Variants in HDDC3 observed in about 807,000 individuals in gnomAD.
The protein encoded by HDDC3 is HD domain containing 3, also known as guanosine-3',5'-bis(diphosphate) 3'-pyrophosphohydrolase MESH1.
HDDC3 carries 18 observed loss-of-function variants against 19.1 expected under a neutral mutation model. The observed-to-expected ratio is 0.94, with a 90% CI of 0.65 to 1.40. The LOEUF (loss-of-function observed/expected upper bound fraction) is 1.40, where lower values mean the gene tolerates loss of function less well. HDDC3 is among the 40% of genes most tolerant of loss of function. HDDC3 has a pLI of 0.00. For synonymous variants in HDDC3, 107 were observed against 99.4 expected, an observed-to-expected ratio of 1.08 and a Z score of -0.46; for missense variants, 250 against 228.9, an observed-to-expected ratio of 1.09 and a Z score of -0.59.
In HDDC3 at chr15:90,931,685, A is replaced by T; in HGVS notation, c.409+19T>A. On this transcript the variant is annotated intron_variant, in intron 3 of 3. Coordinates refer to ENST00000394272, the MANE Select transcript of HDDC3 (RefSeq NM_001286451.2). Reference sequence around the variant, plus strand: ...GGCATCCCCCTCCCTTTTCCCTTACAGCCCATACGAAAGCGTACCCTCTGG... The same window carrying T: ...GGCATCCCCCTCCCTTTTCCCTTACTGCCCATACGAAAGCGTACCCTCTGG... The T allele has an allele frequency of 1.9e-6, 3 of 1,613,956 alleles. No homozygotes were observed. The highest frequency in any genetic ancestry group is 2.5e-6 in the Non-Finnish European group (3 of 1,179,914).
Position 90,931,373 on chromosome 15 carries a change from C to T in HDDC3, c.442G>A (p.Glu148Lys), listed in dbSNP as rs771948355. The change falls in exon 4 of 4, where the codon GAG (glutamate) becomes AAG (lysine). Residue 148 changes from glutamate to lysine, a missense_variant. Glu to Lys is a moderately conservative substitution (Grantham distance 56). Coordinates refer to ENST00000394272, the MANE Select transcript of HDDC3 (RefSeq NM_001286451.2). ...CCCTTCACCACCTGCGCTGCCCACT[C>T]GAAGTATTCCTGGACTCGATGTTCT... ...WSEHRVQEYFEWAAQVVKGLQ... is the reference protein window; with the variant it reads ...WSEHRVQEYFKWAAQVVKGLQ... 1.3e-6 allele frequency: 2 copies of T among 1,558,342 alleles called. No individual in the cohort carries two copies. The highest frequency in any genetic ancestry group is 1.7e-6 in the Non-Finnish European group (2 of 1,150,230).
chr15:90,932,544 G>A lies in HDDC3; in HGVS notation c.-4C>T. 8.0e-7 allele frequency: 1 copy of A among 1,255,306 alleles called. No homozygotes were observed. The highest frequency in any genetic ancestry group is 1.0e-6 in the Non-Finnish European group (1 of 998,856). 77.8% of individuals were successfully genotyped at this position (1,255,306 alleles called of 1,614,324 possible). On this transcript the variant is annotated 5_prime_UTR_variant, in exon 1 of 4. Transcript: ENST00000394272. ...GCTGCGCCGCCTCAGAGCCCATCGC[G>A]CGGATGGGGCCGACGACTGCGGCCG...
In HDDC3 at chr15:90,932,447, AG is replaced by A; in HGVS notation, c.93del (p.Tyr32ThrfsTer12). Reference sequence around the variant, plus strand: ...CGCCCACCGATGGGGTGGTTGATGTAGGGGGTCCCCTCGGGGTCCTTCCGCC... The same window carrying A: ...CGCCCACCGATGGGGTGGTTGATGTAGGGGTCCCCTCGGGGTCCTTCCGCC... ...QQRRKDPEGT[P>X]YINHPIGVAR... On this transcript the variant is annotated frameshift_variant, in exon 1 of 4. Coordinates refer to ENST00000394272, the MANE Select transcript of HDDC3 (RefSeq NM_001286451.2). LOFTEE classifies it high-confidence loss of function. 7.4e-7 allele frequency: 1 copy of A among 1,359,072 alleles called. No individual in the cohort carries two copies. The highest frequency in any genetic ancestry group is 9.5e-7 in the Non-Finnish European group (1 of 1,058,008). The allele number at this position is 1,359,072 out of a possible 1,614,324, so 84.2% of individuals were successfully genotyped here. A position where few individuals can be genotyped will look rare whatever the true frequency, so the allele number is the denominator to read the frequency against.
In HDDC3 at chr15:90,932,385, C is replaced by A. The variant is rs893206995; in HGVS notation, c.112+44G>T. 9 of 1,210,212 alleles carry A rather than the reference C, an allele frequency of 7.4e-6. No individual in the cohort carries two copies. The East Asian group carries it at 2.5e-4, about 33-fold the overall frequency. 75.0% of individuals were successfully genotyped at this position (1,210,212 alleles called of 1,614,324 possible). A position where few individuals can be genotyped will look rare whatever the true frequency, so the allele number is the denominator to read the frequency against. On this transcript the variant is annotated intron_variant, in intron 1 of 3. Transcript: ENST00000394272. ...CCCCACGTTTCCTTCCCAGTCCCCA[C>A]CACCCAGGTGCCGCAGCCGGCGCTC...
In HDDC3 at chr15:90,931,029, A is replaced by G; in HGVS notation, c.*246T>C. ...GATCCCACCATGCAAAATAGCAAACAGACCCAAGACTTGGGGAGAGGCGGT... is the reference window on the plus strand; with the variant it reads ...GATCCCACCATGCAAAATAGCAAACGGACCCAAGACTTGGGGAGAGGCGGT... On this transcript the variant is annotated 3_prime_UTR_variant, in exon 4 of 4. Transcript: ENST00000394272. 1 of 483,500 alleles carries G rather than the reference A, an allele frequency of 2.1e-6. No homozygotes were observed. Among genetic ancestry groups the G allele is most frequent in the Non-Finnish European group, 3.8e-6 (1 of 266,522 alleles). The allele number at this position is 483,500 out of a possible 1,614,324, so 30.0% of individuals were successfully genotyped here.
chr15:90,932,427 A>G lies in HDDC3; in HGVS notation c.112+2T>C. 3.0e-6 allele frequency: 4 copies of G among 1,346,048 alleles called. No homozygotes were observed. The highest frequency in any genetic ancestry group is 3.8e-6 in the Non-Finnish European group (4 of 1,049,234). The allele number at this position is 1,346,048 out of a possible 1,614,324, so 83.4% of individuals were successfully genotyped here. A position where few individuals can be genotyped will look rare whatever the true frequency, so the allele number is the denominator to read the frequency against. ...CCGGCGCTCCGCGGCCGACGCGCCC[A>G]CCGATGGGGTGGTTGATGTAGGGGG... On this transcript the variant is annotated splice_donor_variant, in intron 1 of 3. Coordinates refer to ENST00000394272, the MANE Select transcript of HDDC3 (RefSeq NM_001286451.2). LOFTEE classifies it high-confidence loss of function.
intron 3 of HDDC3, 63 bp downstream of exon 3, chr15:90,931,638 CCAA>C: frequency 1.2e-6 from 2 of 1,614,086 alleles, no homozygotes; most frequent in Non-Finnish European, 1.7e-6. Context: ...GGGGAACTGA[CCAA>C]CATGTGTCTT....
Position 90,931,170 on chromosome 15 carries a change from T to C in HDDC3, c.*105A>G. ...AAGTCTTTTTTTGGCCTCTAATATC[T>C]GGGAAGGATGGAGGGAGCTCAGGAG... On this transcript the variant is annotated 3_prime_UTR_variant, in exon 4 of 4. Transcript: ENST00000394272. 1 of 1,379,064 alleles carries C rather than the reference T, an allele frequency of 7.3e-7. No homozygotes were observed. The highest frequency in any genetic ancestry group is 9.9e-7 in the Non-Finnish European group (1 of 1,012,348). The allele number at this position is 1,379,064 out of a possible 1,614,324, so 85.4% of individuals were successfully genotyped here.
In HDDC3 at chr15:90,931,121, G is replaced by C. The variant is rs2035773798; in HGVS notation, c.*154C>G. 1 of 857,488 alleles carries C rather than the reference G, an allele frequency of 1.2e-6. No homozygotes were observed. Among genetic ancestry groups the C allele is most frequent in the African/African-American group, 1.7e-5 (1 of 58,748 alleles). The allele number at this position is 857,488 out of a possible 1,614,324, so 53.1% of individuals were successfully genotyped here. Reference sequence around the variant, plus strand: ...GCGGGGCTCAGCTTAGTTAGCAGGAGACCTTCAGACTGAGAAAAAATGCAA... The same window carrying C: ...GCGGGGCTCAGCTTAGTTAGCAGGACACCTTCAGACTGAGAAAAAATGCAA... On this transcript the variant is annotated 3_prime_UTR_variant, in exon 4 of 4. Coordinates refer to ENST00000394272, the MANE Select transcript of HDDC3 (RefSeq NM_001286451.2).
rs144631975 is a variant in HDDC3 at position 90,931,785 on chromosome 15, G to C, written c.328C>G (p.His110Asp). The change falls in exon 3 of 4, where the codon CAC becomes GAC. Residue 110 changes from histidine to aspartate, a missense_variant. His to Asp is a moderately conservative substitution (Grantham distance 81). Coordinates refer to ENST00000394272, the MANE Select transcript of HDDC3 (RefSeq NM_001286451.2). ...RKRLQVEQAP[H>D]SSPGAKLVKL... is the part of the protein sequence containing the mutation. ...ACCAGTTTGGCCCCGGGGCTACTGTGGGGCGCTTGCTCCACCTGCAGCCTC... is the reference window on the plus strand; with the variant it reads ...ACCAGTTTGGCCCCGGGGCTACTGTCGGGCGCTTGCTCCACCTGCAGCCTC... 1.8e-4 allele frequency: 291 copies of C among 1,614,012 alleles called. 2 individuals are homozygous for C. In the South Asian group the frequency reaches 3.1e-3, roughly 17 times the overall value.
intron 3 of HDDC3, 45 bp downstream of exon 3, chr15:90,931,659 C>A: frequency 6.2e-7 from 1 of 1,613,892 alleles, no homozygotes; most frequent in Non-Finnish European, 8.5e-7. Context: ...CTTCAGAAGG[C>A]GGCATCCCCC....
chr15:90,932,035 C>T lies in HDDC3; in HGVS notation c.168+20G>A, dbSNP rs111756313. On this transcript the variant is annotated intron_variant, in intron 2 of 3. Transcript: ENST00000394272. ...CCTAATCCCCATCCCAGGCTCCTGG[C>T]AGAGAAGGGGGAAAGTTACCTGTAA... is the stretch of plus-strand genomic sequence containing the variant. 7,886 of 1,613,878 alleles carry T rather than the reference C, an allele frequency of 4.9e-3. 186 individuals carry two copies. The African/African-American group carries it at 0.071, about 15-fold the overall frequency.
In HDDC3 at chr15:90,930,837, G is replaced by A; in HGVS notation, c.*438C>T. 5.1e-6 allele frequency: 1 copy of A among 195,872 alleles called. No individual in the cohort carries two copies. Among genetic ancestry groups the A allele is most frequent in the Non-Finnish European group, 1.1e-5 (1 of 92,404 alleles). 12.1% of individuals were successfully genotyped at this position (195,872 alleles called of 1,614,324 possible). A position where few individuals can be genotyped will look rare whatever the true frequency, so the allele number is the denominator to read the frequency against. On this transcript the variant is annotated 3_prime_UTR_variant, in exon 4 of 4. Coordinates refer to ENST00000394272, the MANE Select transcript of HDDC3 (RefSeq NM_001286451.2). ...CCCGCAACCTGAGGGAGGTGACTCC[G>A]GGACACACAATTAGTCCTGCTTTGC...
chr15:90,931,350 C>T lies in HDDC3; in HGVS notation c.465G>A (p.Lys155=). 4 of 1,553,116 alleles carry T rather than the reference C, an allele frequency of 2.6e-6. No homozygotes were observed. Among genetic ancestry groups the T allele is most frequent in the South Asian group, 1.2e-5 (1 of 84,368 alleles). ...GTTGCCGGTTTGTTCCCTGAAGCCC[C>T]TTCACCACCTGCGCTGCCCACTCGA... The part of the protein sequence containing the change: ...EYFEWAAQVV[K]GLQGTNRQLE... Residue 155 remains lysine (K), a synonymous_variant, in exon 4 of 4, where the codon AAG becomes AAA. Transcript: ENST00000394272.
At position 90,931,708 on chromosome 15, in the gene HDDC3, T is replaced by C; in HGVS notation, c.405A>G (p.Pro135=). ...ACAGCCCATACGAAAGCGTACCCTCTGGGGTGCAGCGATTCAGGTCCCTCA... is the reference window on the plus strand; with the variant it reads ...ACAGCCCATACGAAAGCGTACCCTCCGGGGTGCAGCGATTCAGGTCCCTCA... The part of the protein sequence containing the change: ...YNLRDLNRCT[P]EGWSEHRVQE... Residue 135 remains proline (P), a synonymous_variant, in exon 3 of 4, where the codon CCA becomes CCG. Coordinates refer to ENST00000394272, the MANE Select transcript of HDDC3 (RefSeq NM_001286451.2). 1 of 1,614,126 alleles carries C rather than the reference T, an allele frequency of 6.2e-7. No homozygotes were observed. Among genetic ancestry groups the C allele is most frequent in the South Asian group, 1.1e-5 (1 of 91,078 alleles).
chr15:90,932,176 T>C lies in HDDC3; in HGVS notation c.113-66A>G, dbSNP rs2035823019. On this transcript the variant is annotated intron_variant, in intron 1 of 3. Transcript: ENST00000394272. ...GTCCCAAGGCGGTGTGTTGTGGGTT[T>C]TGGAGAGCCAGATGTGGCCCCTTGT... 15 of 1,506,590 alleles carry C rather than the reference T, an allele frequency of 1.0e-5. No individual in the cohort carries two copies. In the South Asian group the frequency reaches 1.6e-4, roughly 16 times the overall value. 93.3% of individuals were successfully genotyped at this position (1,506,590 alleles called of 1,614,324 possible).
chr15:90,932,292 G>T, intron 1 of HDDC3, 137 bp downstream of exon 1: 1 of 829,662 alleles, frequency 1.2e-6, no homozygotes, highest in Non-Finnish European at 1.8e-6. Flanking sequence ...CGTTCCAATT[G>T]TTATGAGGCT....
Position 90,932,488 on chromosome 15 carries a change from T to A in HDDC3, c.53A>T (p.Lys18Met). 1.5e-6 allele frequency: 2 copies of A among 1,310,128 alleles called. No homozygotes were observed. Among genetic ancestry groups the A allele is most frequent in the South Asian group, 4.7e-5 (2 of 42,616 alleles). 81.2% of individuals were successfully genotyped at this position (1,310,128 alleles called of 1,614,324 possible). ...GTCCTTCCGCCGCTGCTGCCGGTGC[T>A]TGCGAGCCGCGAAGTCGGCAGCCTC... The part of the protein sequence containing the change: ...LLEAADFAAR[K>M]HRQQRRKDPE... Residue 18 changes from lysine to methionine, a missense_variant, in exon 1 of 4, where the codon AAG becomes ATG. Lys to Met is a moderately conservative substitution (Grantham distance 95, BLOSUM62 -1). Transcript: ENST00000394272.
Position 90,931,930 on chromosome 15 carries a change from A to T in HDDC3, c.183T>A (p.His61Gln). The change falls in exon 3 of 4, where the codon CAT becomes CAA. Residue 61 changes from histidine (H) to glutamine (Q), a missense_variant. Physicochemically the swap from His to Gln is conservative, Grantham distance 24. Transcript: ENST00000394272. ...DIVVLQAALL[H>Q]DTVEDTDTTL... ...TGGTGTCTGTGTCCTCCACCGTGTC[A>T]TGGAGCAGGGCCGCCTGGGGACAAG... 6.2e-7 allele frequency: 1 copy of T among 1,613,934 alleles called. No homozygotes were observed. Among genetic ancestry groups the T allele is most frequent in the Non-Finnish European group, 8.5e-7 (1 of 1,180,002 alleles).
Sources: gnomAD v4.1 joint callset for allele counts on GRCh38, gnomAD v4.1.1 for gene constraint, MANE v1.5 for transcripts, NCBI Gene and HGNC (gene_info 2026-07-23, HGNC 2026-07-21) for gene names.